The following C1QTNF3 variants were observed in gnomAD, a reference collection of about 807,000 sequenced individuals.
The protein encoded by C1QTNF3 is C1q and TNF related 3, also known as complement C1q tumor necrosis factor-related protein 3.
Under a neutral mutation model 32.6 loss-of-function variants are expected in C1QTNF3, and 26 were observed. That is an observed-to-expected ratio of 0.80 (90% CI 0.58 to 1.11). The LOEUF (loss-of-function observed/expected upper bound fraction) is 1.11, where lower values mean the gene tolerates loss of function less well. C1QTNF3 is among the 50% of genes least tolerant of loss of function. The pLI, the probability that C1QTNF3 is intolerant of heterozygous loss-of-function variation, is 0.00. For missense variants in C1QTNF3, 362 were observed against 398.2 expected (o/e 0.91, Z 0.77); for synonymous variants, 155 against 146.0 (o/e 1.06, Z -0.44).
At chr5:34,237,897 C>G in the C1QTNF3 span, among the ~76,000 whole-genome samples, 1 of 152,114 alleles carries the variant, frequency 6.6e-6, no homozygotes, top group Non-Finnish European at 1.5e-5. Flanking sequence ...CTCCCACCCC[C>G]ACTATAGAGC....
chr5:34,143,045 A>G, the C1QTNF3 span, among the ~76,000 whole-genome samples: 2 of 152,218 alleles, frequency 1.3e-5, no homozygotes. Context: ...AATAGAGTAA[A>G]ATGATGGAAG....
chr5:34,113,661 ACT>A, the C1QTNF3 span, among the ~76,000 whole-genome samples: 3 of 151,892 alleles, frequency 2.0e-5, no homozygotes, highest in Admixed American at 6.6e-5. Context: ...TTACATCTTT[ACT>A]CTCTCTCTAT....
the C1QTNF3 span, among the ~76,000 whole-genome samples, chr5:34,076,818 C>T: frequency 8.6e-5 from 13 of 151,524 alleles, no homozygotes; most frequent in African/African-American, 3.2e-4. Context: ...ATTGGGCATT[C>T]CCGTGTTGAC....
At chr5:34,031,958 A>G (rs543866402) in intron 3 of C1QTNF3, among the ~76,000 whole-genome samples, 170 of 152,338 alleles carry the variant, frequency 1.1e-3, no homozygotes, top group African/African-American at 4.0e-3. Context: ...TCAAACCACC[A>G]CCATACACGC....
At chr5:34,221,874 C>T in the C1QTNF3 span, among the ~76,000 whole-genome samples, 3 of 151,980 alleles carry the variant, frequency 2.0e-5, no homozygotes, top group African/African-American at 7.2e-5. Flanking sequence ...AGACCTGTCA[C>T]CAAGCAGCCG....
chr5:34,208,620 T>C, the C1QTNF3 span, among the ~76,000 whole-genome samples: 6 of 151,970 alleles, frequency 3.9e-5, no homozygotes, highest in African/African-American at 1.5e-4. Flanking sequence ...AGACCTATAA[T>C]TGAAAATACC....
At chr5:34,221,329 G>A in the C1QTNF3 span, among the ~76,000 whole-genome samples, 2 of 151,924 alleles carry the variant, frequency 1.3e-5, no homozygotes, top group African/African-American at 4.8e-5. Flanking sequence ...AATACATACG[G>A]CTGTTTTTAG....
At chr5:34,139,162 G>C in the C1QTNF3 span, among the ~76,000 whole-genome samples, 2 of 151,566 alleles carry the variant, frequency 1.3e-5, no homozygotes, top group Non-Finnish European at 2.9e-5. Flanking sequence ...ACATATATTT[G>C]AATGTAAATA....
At chr5:34,106,907 G>A in the C1QTNF3 span, among the ~76,000 whole-genome samples, 1 of 91,538 alleles carries the variant, frequency 1.1e-5, no homozygotes, top group African/African-American at 5.2e-5. Flanking sequence ...CTAGAAAATA[G>A]AGAAGTTTTA....
chr5:34,072,523 G>C, the C1QTNF3 span, among the ~76,000 whole-genome samples: 2 of 152,224 alleles, frequency 1.3e-5, no homozygotes, highest in Admixed American at 6.5e-5. Flanking sequence ...GAACAGGTAA[G>C]GCAGAAATGT....
upstream of C1QTNF3, among the ~76,000 whole-genome samples, chr5:34,046,537 G>A (rs1754988794): frequency 6.6e-6 from 1 of 152,180 alleles, no homozygotes; most frequent in Admixed American, 6.5e-5. Flanking sequence ...AAGATTGCCA[G>A]CAGACCACCA....
the C1QTNF3 span, among the ~76,000 whole-genome samples, chr5:34,177,898 C>T: frequency 1.3e-5 from 2 of 151,934 alleles, no homozygotes; most frequent in Admixed American, 6.6e-5. Flanking sequence ...GCTAGCATTC[C>T]AGGTGTGAGC....
In C1QTNF3 at chr5:34,026,456, C is replaced by CAAA. The variant is rs11335593; in HGVS notation, c.700+2295_700+2297dup. Among the ~76,000 whole-genome samples, 488 of 92,726 alleles carry CAAA rather than the reference C, an allele frequency of 5.3e-3. 2 individuals carry two copies. Among genetic ancestry groups the CAAA allele is most frequent in the African/African-American group, 8.0e-3 (219 of 27,396 alleles). The allele number at this position is 92,726 out of a possible 152,430, so 60.8% of individuals were successfully genotyped here. A position where few individuals can be genotyped will look rare whatever the true frequency, so the allele number is the denominator to read the frequency against. On this transcript the variant is annotated intron_variant, in intron 4 of 5. Coordinates refer to ENST00000382065, the MANE Select transcript of C1QTNF3 (RefSeq NM_181435.6). ...AGTGGCCAATCTCAAAATCTGCCAG[C>CAAA]AAAAAAAAAAAAAAAAAGAAAAGAA...
the C1QTNF3 span, among the ~76,000 whole-genome samples, chr5:34,213,732 GTATA>G: frequency 1.8e-5 from 1 of 56,580 alleles, no homozygotes; most frequent in African/African-American, 9.9e-5. Flanking sequence ...ATATATACAC[GTATA>G]TATAGTGTGT....
chr5:34,023,933 C>A lies in C1QTNF3; in HGVS notation c.776G>T (p.Gly259Val). 1.9e-6 allele frequency: 3 copies of A among 1,614,026 alleles called. No homozygotes were observed. The highest frequency in any genetic ancestry group is 2.5e-6 in the Non-Finnish European group (3 of 1,179,966). Residue 259 changes from glycine (G) to valine (V), a missense_variant, in exon 5 of 6, where the codon GGC becomes GTC. Gly to Val is a moderately radical substitution (Grantham distance 109). Transcript: ENST00000382065. Reference sequence around the variant, plus strand: ...CCTGTACATGCTGAAGACTGTGTTGCCATTGTGCATAAGGTACACATACAC... The same window carrying A: ...CCTGTACATGCTGAAGACTGTGTTGACATTGTGCATAAGGTACACATACAC... ...EEVYVYLMHN[G>V]NTVFSMYSYE... is the part of the protein sequence containing the mutation.
At chr5:34,231,360 A>C in the C1QTNF3 span, among the ~76,000 whole-genome samples, 1 of 152,208 alleles carries the variant, frequency 6.6e-6, no homozygotes. Flanking sequence ...CCAGGTGCTC[A>C]TTTAAATAAT....
At chr5:34,053,059 G>T in the C1QTNF3 span, among the ~76,000 whole-genome samples, 2 of 152,138 alleles carry the variant, frequency 1.3e-5, no homozygotes, top group Admixed American at 1.3e-4. Flanking sequence ...AATAAGGCCA[G>T]ATTTCTATAT....
the C1QTNF3 span, chr5:34,166,978 T>C: frequency 6.6e-6 from 1 of 152,166 alleles, no homozygotes; most frequent in African/African-American, 2.4e-5. Flanking sequence ...CAATATTTCT[T>C]TGTGCTCAAA....
At chr5:34,087,418 A>T in the C1QTNF3 span, among the ~76,000 whole-genome samples, 2 of 152,236 alleles carry the variant, frequency 1.3e-5, no homozygotes, top group African/African-American at 4.8e-5. Flanking sequence ...TTTTATGTCA[A>T]AAAGAAAATG....
Sources: gnomAD v4.1 joint callset for allele counts (sites outside exome capture counted in the v4.1 genomes callset) on GRCh38, gnomAD v4.1.1 for gene constraint, MANE v1.5 for transcripts, NCBI Gene and HGNC (gene_info 2026-07-23, HGNC 2026-07-21) for gene names.